Variants in ANAPC5 observed in about 807,000 individuals in gnomAD.
ANAPC5 encodes anaphase promoting complex subunit 5.
Under a neutral mutation model 91.3 loss-of-function variants are expected in ANAPC5, and 60 were observed. The observed-to-expected ratio is 0.66, with a 90% CI of 0.53 to 0.81. The LOEUF (loss-of-function observed/expected upper bound fraction) is 0.81. Among genes scored for constraint, ANAPC5 ranks in the 40% least tolerant of loss-of-function variants. The probability of loss-of-function intolerance (pLI) is 0.00; values close to 1 mark genes in which losing one functional copy is unlikely to be tolerated. For missense variants in ANAPC5, 690 were observed against 931.5 expected, an observed-to-expected ratio of 0.74 and a Z score of 3.37; for synonymous variants, 340 against 364.1, an observed-to-expected ratio of 0.93 and a Z score of 0.75.
chr12:121,327,150 G>A lies in ANAPC5; in HGVS notation c.1386C>T (p.Asn462=). The A allele has an allele frequency of 6.2e-7, 1 of 1,613,332 alleles. No individual in the cohort carries two copies. Among genetic ancestry groups the A allele is most frequent in the South Asian group, 1.1e-5 (1 of 91,064 alleles). The stretch of plus-strand genomic sequence containing the variant: ...AGAGTGCGACAGCAAAGGACTCTGT[G>A]TTGTTCTGCTGCACGCCCGCATTCA... The part of the protein sequence containing the change: ...EAVNAGVQQN[N]TESFAVALCH... Residue 462 remains asparagine, a synonymous_variant, in exon 11 of 17, where the codon AAC becomes AAT. Transcript: ENST00000261819.
chr12:121,328,200 GAAC>G (rs1277693949), intron 10 of ANAPC5, 113 bp downstream of exon 10: 30 of 928,518 alleles, frequency 3.2e-5, no homozygotes, highest in Non-Finnish European at 4.5e-5. Flanking sequence ...TCCCCTGCAG[GAAC>G]AACATCTATC....
intron 6 of ANAPC5, 59 bp from the exon 7 acceptor site, chr12:121,335,782 ACTG>A: frequency 7.0e-7 from 1 of 1,432,138 alleles, no homozygotes; most frequent in South Asian, 1.3e-5. Flanking sequence ...GTGTAAGACA[ACTG>A]CAGAGAGTTC....
chr12:121,333,518 CAAAAG>C (rs1846722127), intron 7 of ANAPC5: 1 of 151,868 alleles, frequency 6.6e-6, no homozygotes, highest in South Asian at 2.1e-4. Context: ...GTGGGAAGAC[CAAAAG>C]AAGTTAGTTA....
chr12:121,327,446 T>C, intron 10 of ANAPC5: 2 of 561,034 alleles, frequency 3.6e-6, no homozygotes, highest in South Asian at 4.4e-5. Context: ...AGACACGTAG[T>C]GGTTAGGGCA....
At chr12:121,346,420 A>AGG (rs1903669151) in intron 3 of ANAPC5, 1 of 185,646 alleles carries the variant, frequency 5.4e-6, no homozygotes, top group Non-Finnish European at 1.1e-5. Context: ...AGAGAGAGAG[A>AGG]AATAGCTCAC....
intron 15 of ANAPC5, 192 bp from the exon 16 acceptor site, chr12:121,310,055 A>C (rs1902096969): frequency 2.2e-6 from 1 of 446,742 alleles, no homozygotes; most frequent in African/African-American, 2.0e-5. Context: ...GACTATGACA[A>C]ATATAGCAGG....
rs782361863 is a variant in ANAPC5, at chr12:121,346,940, G to A, written c.353C>T (p.Ser118Phe). The A allele has an allele frequency of 6.2e-7, 1 of 1,612,026 alleles. No individual in the cohort carries two copies. The highest frequency in any genetic ancestry group is 1.3e-5 in the African/African-American group (1 of 74,806). ...MEQFFDDLSD[S>F]FSGTEPEVHK... ...AACCTCTGGTTCAGTTCCAGAGAAA[G>A]AATCTGAAAGGTCATCAAAAAACTG... Residue 118 changes from serine (S) to phenylalanine (F), a missense_variant, in exon 3 of 17, where the codon TCT becomes TTT. Ser to Phe is a radical substitution (Grantham distance 155). Transcript: ENST00000261819.
intron 15 of ANAPC5, among the ~76,000 whole-genome samples, chr12:121,310,877 T>TGAGCAG (rs1324141216): frequency 7.4e-6 from 1 of 135,342 alleles, no homozygotes; most frequent in African/African-American, 3.0e-5. Flanking sequence ...ATGGATGCAG[T>TGAGCAG]GAGCAGAGAT....
chr12:121,332,398 C>T (rs1420495230), intron 7 of ANAPC5: 2 of 152,206 alleles, frequency 1.3e-5, no homozygotes, highest in Non-Finnish European at 2.9e-5. Context: ...CAGAGATTTA[C>T]AAATTGAAGG....
At chr12:121,330,533 C>T in intron 9 of ANAPC5, 50 bp downstream of exon 9, 1 of 1,519,174 alleles carries the variant, frequency 6.6e-7, no homozygotes, top group Non-Finnish European at 9.1e-7. Flanking sequence ...GAAAAAGAGA[C>T]AAAGGCTCGA....
intron 5 of ANAPC5, 54 bp downstream of exon 5, chr12:121,341,949 G>T: frequency 7.2e-7 from 1 of 1,384,946 alleles, no homozygotes; most frequent in South Asian, 1.2e-5. Flanking sequence ...CACAGGACTA[G>T]ACACATCACA....
intron 3 of ANAPC5, 79 bp from the exon 4 acceptor site, chr12:121,346,110 G>A: frequency 8.7e-7 from 1 of 1,144,524 alleles, no homozygotes; most frequent in Non-Finnish European, 1.2e-6. Context: ...CAATGGCAAT[G>A]ACTGTCTGCT....
chr12:121,330,744 G>A lies in ANAPC5; in HGVS notation c.1033-72C>T. 3 of 1,265,236 alleles carry A rather than the reference G, an allele frequency of 2.4e-6. No individual in the cohort carries two copies. In the Admixed American group the frequency reaches 5.5e-5, roughly 23 times the overall value. 78.4% of individuals were successfully genotyped at this position (1,265,236 alleles called of 1,614,324 possible). A position where few individuals can be genotyped will look rare whatever the true frequency, so the allele number is the denominator to read the frequency against. On this transcript the variant is annotated intron_variant, in intron 8 of 16. Transcript: ENST00000261819. ...GATGTTCTAGTGAAATATCAATGTG[G>A]TCATAAGAAAGAATTTAAAAGGGAC...
chr12:121,323,973 G>A (rs2089886), intron 11 of ANAPC5, among the ~76,000 whole-genome samples: 21,561 of 151,948 alleles, frequency 0.14, 3,605 homozygotes, highest in African/African-American at 0.41. Context: ...GAGCAAAGGA[G>A]AATGGTTATA....
chr12:121,311,940 A>G (rs1902180446), intron 15 of ANAPC5, among the ~76,000 whole-genome samples: 1 of 152,218 alleles, frequency 6.6e-6, no homozygotes, highest in Admixed American at 6.5e-5. Flanking sequence ...AGGAAAGAGA[A>G]GACTTGAATG....
chr12:121,336,865 C>A (rs1207959862), intron 6 of ANAPC5, among the ~76,000 whole-genome samples: 1 of 152,126 alleles, frequency 6.6e-6, no homozygotes, highest in Admixed American at 6.5e-5. Flanking sequence ...ACCAAGAACA[C>A]GATTTCCTTC....
At chr12:121,343,742 G>A (rs2136812924) in intron 4 of ANAPC5, among the ~76,000 whole-genome samples, 2 of 152,222 alleles carry the variant, frequency 1.3e-5, no homozygotes, top group Non-Finnish European at 2.9e-5. Context: ...TGCCACCCTG[G>A]GGATTACAGT....
intron 1 of ANAPC5, 67 bp downstream of exon 1, chr12:121,352,067 G>T (rs1457494318): frequency 2.7e-6 from 4 of 1,457,566 alleles, no homozygotes; most frequent in Non-Finnish European, 1.9e-6. Context: ...CAAGCCCAGG[G>T]TTCCGCACAG....
intron 10 of ANAPC5, 73 bp from the exon 11 acceptor site, chr12:121,327,304 A>G: frequency 6.4e-7 from 1 of 1,573,796 alleles, no homozygotes; most frequent in South Asian, 1.1e-5. Flanking sequence ...CCCGTCAGCT[A>G]TCTTGAGTGG....
Sources: allele counts gnomAD v4.1 joint callset (sites outside exome capture counted in the v4.1 genomes callset), GRCh38; gene constraint gnomAD v4.1.1; transcripts MANE v1.5; gene names NCBI Gene and HGNC (gene_info 2026-07-23, HGNC 2026-07-21).